The following FASTKD1 variants were observed in gnomAD, a reference collection of about 807,000 sequenced individuals.
The protein encoded by FASTKD1 is FAST kinase domain-containing protein 1, mitochondrial.
FASTKD1 carries 94 observed loss-of-function variants against 90.9 expected under a neutral mutation model. The ratio of observed to expected loss-of-function variants is 1.03; its 90% CI spans 0.88 to 1.23. The LOEUF (loss-of-function observed/expected upper bound fraction) is 1.23. FASTKD1 is among the 50% of genes most tolerant of loss of function. FASTKD1 has a pLI of 0.00. For missense variants in FASTKD1, 945 were observed against 993.5 expected (o/e 0.95, Z 0.66); for synonymous variants, 319 against 345.8 (o/e 0.92, Z 0.86).
At chr2:169,542,240 G>GT (rs768698670) in intron 9 of FASTKD1, among the ~76,000 whole-genome samples, 1 of 152,118 alleles carries the variant, frequency 6.6e-6, no homozygotes, top group Non-Finnish European at 1.5e-5. Context: ...ACTCTCTCCT[G>GT]TATCTCCAGC....
chr2:169,568,693 A>G (rs192822001), intron 3 of FASTKD1, among the ~76,000 whole-genome samples: 1 of 151,022 alleles, frequency 6.6e-6, no homozygotes, highest in African/African-American at 2.4e-5. Flanking sequence ...AGAAAGAAAG[A>G]AAAGAAAAGA....
In FASTKD1 at chr2:169,546,652, T is replaced by C. The variant is rs1276483692; in HGVS notation, c.1267A>G (p.Ile423Val). 9 of 1,613,952 alleles carry C rather than the reference T, an allele frequency of 5.6e-6. No individual in the cohort carries two copies. The African/African-American group carries it at 6.7e-5, about 12-fold the overall frequency. ...AAGTGAGGAGAAGGGAGCAGGGAAA[T>C]AGCACGGACCAGAACAGACACCTCA... ...PTEVSVLVRA[I>V]SLLPSPHLDE... Residue 423 changes from isoleucine to valine, a missense_variant, in exon 8 of 15, where the codon ATT becomes GTT. Physicochemically the swap from Ile to Val is conservative, Grantham distance 29. Transcript: ENST00000453153.
chr2:169,540,095 ATTGCCTT>A lies in FASTKD1; in HGVS notation c.1894_1900del (p.Lys632PhefsTer7), dbSNP rs745461127. 6.2e-7 allele frequency: 1 copy of A among 1,608,538 alleles called. No individual in the cohort carries two copies. On this transcript the variant is annotated frameshift_variant, in exon 10 of 15. Coordinates refer to ENST00000453153, the MANE Select transcript of FASTKD1 (RefSeq NM_024622.6). LOFTEE classifies it high-confidence loss of function. ...TCTAGCTAAGAATTTGATGTTAAAA[ATTGCCTT>A]TAGCAGATCTTCTGGAAAATATTCA... is the stretch of plus-strand genomic sequence containing the variant.
chr2:169,543,261 C>T (rs1197220195), intron 9 of FASTKD1, among the ~76,000 whole-genome samples: 3 of 152,148 alleles, frequency 2.0e-5, no homozygotes, highest in Admixed American at 6.5e-5. Context: ...GTCGGGAGTT[C>T]GAGACCAGCC....
chr2:169,537,564 G>T (rs1684780173), intron 11 of FASTKD1, among the ~76,000 whole-genome samples: 1 of 151,798 alleles, frequency 6.6e-6, no homozygotes, highest in Admixed American at 6.6e-5. Flanking sequence ...TTGTATTTTT[G>T]TTAGAGATGG....
chr2:169,548,858 G>T (rs1162424077), intron 7 of FASTKD1, among the ~76,000 whole-genome samples: 1 of 152,006 alleles, frequency 6.6e-6, no homozygotes, highest in Admixed American at 6.6e-5. Flanking sequence ...ACTTTGGGAG[G>T]CCAAGGCGGG....
rs1559157477 is a variant in FASTKD1 at position 169,562,047 on chromosome 2, TTAATTATTTATTAATTTATTGTAAAA to T, written c.572+1152_572+1177del. 3.1e-4 allele frequency among the ~76,000 whole-genome samples: 41 copies of T among 132,808 alleles called. 6 individuals carry two copies. Among genetic ancestry groups the T allele is most frequent in the East Asian group, 7.2e-4 (3 of 4,182 alleles). The allele number at this position is 132,808 out of a possible 152,430, so 87.1% of individuals were successfully genotyped here. A position where few individuals can be genotyped will look rare whatever the true frequency, so the allele number is the denominator to read the frequency against. ...TAATTATTTATTAATTTATTGTAAA[TTAATTATTTATTAATTTATTGTAAAA>T]TAATTATTTATTAATTTATTGTAAA... On this transcript the variant is annotated intron_variant, in intron 4 of 14. Transcript: ENST00000453153.
At chr2:169,534,454 T>TC (rs1346027021) in intron 12 of FASTKD1, among the ~76,000 whole-genome samples, 4 of 146,520 alleles carry the variant, frequency 2.7e-5, no homozygotes, top group Non-Finnish European at 5.9e-5. Context: ...TCTGTTGTTT[T>TC]TTTTTTTTCT....
At chr2:169,542,949 T>A (rs1020529327) in intron 9 of FASTKD1, among the ~76,000 whole-genome samples, 2 of 152,164 alleles carry the variant, frequency 1.3e-5, no homozygotes, top group African/African-American at 2.4e-5. Flanking sequence ...TACATACAAG[T>A]TATTTTTGCT....
chr2:169,570,210 A>G (rs934337942), intron 2 of FASTKD1, among the ~76,000 whole-genome samples: 2 of 152,128 alleles, frequency 1.3e-5, no homozygotes, highest in African/African-American at 2.4e-5. Flanking sequence ...TAATAAACAG[A>G]TTAGGTGTAA....
intron 7 of FASTKD1, among the ~76,000 whole-genome samples, chr2:169,554,730 AAAAATTTAATAAGCCTT>A (rs1685667025): frequency 6.6e-6 from 1 of 152,186 alleles, no homozygotes. Flanking sequence ...TCTTATTCTC[AAAAATTTAATAAGCCTT>A]AAAATAGGCA....
intron 6 of FASTKD1, 150 bp from the exon 7 acceptor site, chr2:169,555,405 G>A: frequency 3.1e-6 from 2 of 651,734 alleles, no homozygotes; most frequent in South Asian, 4.0e-5. Flanking sequence ...TCTCAAGGTG[G>A]CTCTAGAAAT....
chr2:169,533,244 G>T (rs914184943), intron 12 of FASTKD1, among the ~76,000 whole-genome samples: 3 of 152,020 alleles, frequency 2.0e-5, no homozygotes, highest in African/African-American at 7.2e-5. Context: ...AGATGATATT[G>T]TTGTTATGTT....
intron 3 of FASTKD1, among the ~76,000 whole-genome samples, chr2:169,565,105 C>A (rs1348486389): frequency 6.6e-6 from 1 of 151,244 alleles, no homozygotes; most frequent in Non-Finnish European, 1.5e-5. Flanking sequence ...CAGGCATGCA[C>A]CACCATGCCC....
intron 13 of FASTKD1, chr2:169,530,951 C>T: frequency 1.5e-6 from 1 of 686,572 alleles, no homozygotes; most frequent in Non-Finnish European, 2.7e-6. Context: ...CACATGCCTA[C>T]TACATGTAAA....
At chr2:169,572,351 C>T (rs1036206453) in intron 1 of FASTKD1, among the ~76,000 whole-genome samples, 180 bp from the exon 2 acceptor site, 6 of 151,776 alleles carry the variant, frequency 4.0e-5, no homozygotes, top group Admixed American at 1.3e-4. Flanking sequence ...CTTTCTGCAC[C>T]CCATTTTAAA....
rs970527604 is a variant in FASTKD1, at chr2:169,528,790, G to T, written c.*1035C>A. 1.1e-4 allele frequency among the ~76,000 whole-genome samples: 17 copies of T among 152,042 alleles called. No individual in the cohort carries two copies. Among genetic ancestry groups the T allele is most frequent in the South Asian group, 2.1e-4 (1 of 4,800 alleles). ...TGTCATCTTTCCTGACCTATCAGCA[G>T]CATCTGATACAACTACTCACCTCCC... is the stretch of plus-strand genomic sequence containing the variant. On this transcript the variant is annotated 3_prime_UTR_variant, in exon 15 of 15. Coordinates refer to ENST00000453153, the MANE Select transcript of FASTKD1 (RefSeq NM_024622.6).
At chr2:169,541,508 T>C (rs1311498807) in intron 9 of FASTKD1, among the ~76,000 whole-genome samples, 4 of 152,312 alleles carry the variant, frequency 2.6e-5, no homozygotes, top group Non-Finnish European at 5.9e-5. Context: ...TTCATATACA[T>C]ATATACATAC....
chr2:169,538,270 A>T, intron 10 of FASTKD1, 129 bp from the exon 11 acceptor site: 1 of 748,924 alleles, frequency 1.3e-6, no homozygotes, highest in Non-Finnish European at 2.1e-6. Flanking sequence ...AACTGTTTAC[A>T]TTTCTAATTT....
Sources: allele counts gnomAD v4.1 joint callset (sites outside exome capture counted in the v4.1 genomes callset), GRCh38; gene constraint gnomAD v4.1.1; transcripts MANE v1.5; gene names NCBI Gene and HGNC (gene_info 2026-07-23, HGNC 2026-07-21).